Variants in MAPK10 observed in about 807,000 individuals in gnomAD.
MAPK10 encodes the protein mitogen-activated protein kinase 10.
A neutral mutation model predicts 59.3 loss-of-function variants in MAPK10; 25 were observed. The observed-to-expected ratio is 0.42, with a 90% CI of 0.31 to 0.59. MAPK10 has a LOEUF of 0.59. Ranked by LOEUF, MAPK10 falls within the 20% of genes least tolerant of loss-of-function variation. The pLI is 0.15. For synonymous variants in MAPK10, 190 were observed against 200.5 expected (o/e 0.95, Z 0.44); for missense variants, 351 against 568.9 (o/e 0.62, Z 3.90).
intron 1 of MAPK10, among the ~76,000 whole-genome samples, chr4:86,584,292 A>G (rs575788329): frequency 1.6e-4 from 25 of 152,328 alleles, no homozygotes; most frequent in African/African-American, 5.5e-4. Context: ...AGAGGGTATA[A>G]GCAGCAGCAG....
At chr4:86,135,511 GACATCC>G (rs1417433110) in intron 4 of MAPK10, among the ~76,000 whole-genome samples, 1 of 152,064 alleles carries the variant, frequency 6.6e-6, no homozygotes, top group Non-Finnish European at 1.5e-5. Context: ...AAACAGAAAG[GACATCC>G]ACACCAAAAA....
At chr4:86,412,936 G>A (rs757085398) in intron 1 of MAPK10, among the ~76,000 whole-genome samples, 13 of 152,102 alleles carry the variant, frequency 8.5e-5, no homozygotes, top group African/African-American at 2.4e-4. Context: ...GTCAAGTTTC[G>A]TTCCCTTGCT....
intron 9 of MAPK10, among the ~76,000 whole-genome samples, chr4:86,069,704 AT>A (rs2047423279): frequency 6.6e-6 from 1 of 152,106 alleles, no homozygotes; most frequent in South Asian, 2.1e-4. Context: ...CCAAGCTATC[AT>A]TTCATCATTG....
intron 9 of MAPK10, among the ~76,000 whole-genome samples, chr4:86,097,783 A>G (rs1259424261): frequency 6.6e-6 from 1 of 152,110 alleles, no homozygotes; most frequent in Non-Finnish European, 1.5e-5. Flanking sequence ...TTCATTTGAT[A>G]ATTCCAAATC....
At chr4:86,026,041 A>G (rs1750009551) in intron 13 of MAPK10, among the ~76,000 whole-genome samples, 1 of 152,224 alleles carries the variant, frequency 6.6e-6, no homozygotes, top group Non-Finnish European at 1.5e-5. Context: ...TGACCCTAAG[A>G]CATATTCCCA....
At position 86,107,321 on chromosome 4, in the gene MAPK10, C is replaced by T; in HGVS notation, c.268G>A (p.Val90Met). Residue 90 changes from valine to methionine, a missense_variant, in exon 5 of 14, where the codon GTG becomes ATG. By Grantham distance (21) the Val-to-Met change is conservative (BLOSUM62 1). Around this residue, in one of 5 missense-constraint regions of MAPK10, gnomAD observed 51 missense variants for 72.7 expected, o/e 0.70. Coordinates refer to ENST00000641462, the MANE Select transcript of MAPK10 (RefSeq NM_138982.4). ...AAYDAVLDRN[V>M]AIKKLSRPFQ... is the part of the protein sequence containing the mutation. ...GGTCTGCTGAGCTTCTTAATGGCCA[C>T]ATTTCTGTCAAGGACAGCATCATAC... is the stretch of plus-strand genomic sequence containing the variant. 1 of 1,613,240 alleles carries T rather than the reference C, an allele frequency of 6.2e-7. No homozygotes were observed. The highest frequency in any genetic ancestry group is 8.5e-7 in the Non-Finnish European group (1 of 1,179,450).
Position 86,068,221 on chromosome 4 carries a change from A to AT in MAPK10, c.803-267dup, listed in dbSNP as rs558832131. Among the ~76,000 whole-genome samples the AT allele has an allele frequency of 2.0e-3, 308 of 152,338 alleles. 2 individuals are homozygous for AT. Among genetic ancestry groups the AT allele is most frequent in the Non-Finnish European group, 3.4e-3 (233 of 68,022 alleles). On this transcript the variant is annotated intron_variant, in intron 9 of 13. Coordinates refer to ENST00000641462, the MANE Select transcript of MAPK10 (RefSeq NM_138982.4). ...ATGAAATAGTCTTTGGGGTGTACAG[A>AT]TAAAAAGTCATTCAGATAACACAAG...
chr4:86,383,765 T>C (rs1741073814), intron 1 of MAPK10, among the ~76,000 whole-genome samples: 1 of 152,134 alleles, frequency 6.6e-6, no homozygotes, highest in Non-Finnish European at 1.5e-5. Context: ...AGGTAGAAAG[T>C]TTACTTTCTA....
intron 4 of MAPK10, among the ~76,000 whole-genome samples, chr4:86,118,583 C>T (rs1270642329): frequency 9.6e-5 from 1 of 10,384 alleles, no homozygotes; most frequent in Non-Finnish European, 3.0e-4. Flanking sequence ...TACACATACA[C>T]ACACACACAC....
intron 9 of MAPK10, among the ~76,000 whole-genome samples, chr4:86,077,448 G>C (rs568718516): frequency 1.3e-5 from 2 of 152,188 alleles, no homozygotes; most frequent in East Asian, 3.9e-4. Flanking sequence ...TGCGTATTGT[G>C]GGTCAAAATT....
At chr4:86,041,708 CAT>C (rs748139125) in intron 11 of MAPK10, among the ~76,000 whole-genome samples, 61 of 152,238 alleles carry the variant, frequency 4.0e-4, no homozygotes, top group African/African-American at 7.0e-4. Flanking sequence ...GGCCAACAAA[CAT>C]GTGAAAAAAA....
chr4:86,531,599 T>G (rs1757856857), intron 1 of MAPK10, among the ~76,000 whole-genome samples: 1 of 152,128 alleles, frequency 6.6e-6, no homozygotes, highest in Non-Finnish European at 1.5e-5. Context: ...TGAGGTAGAT[T>G]GGAGGGGATT....
intron 2 of MAPK10, among the ~76,000 whole-genome samples, chr4:86,233,960 G>T (rs1487386093): frequency 6.6e-6 from 1 of 152,152 alleles, no homozygotes; most frequent in Non-Finnish European, 1.5e-5. Flanking sequence ...GAGAGGAAAA[G>T]GAAAAGGATT....
chr4:86,288,840 A>G (rs979104452), intron 2 of MAPK10, among the ~76,000 whole-genome samples: 2 of 152,120 alleles, frequency 1.3e-5, no homozygotes, highest in Non-Finnish European at 2.9e-5. Flanking sequence ...ATCTTGAATC[A>G]TTCATTCTAC....
chr4:86,409,804 C>G (rs1172404752), intron 1 of MAPK10, among the ~76,000 whole-genome samples: 1 of 152,044 alleles, frequency 6.6e-6, no homozygotes, highest in Non-Finnish European at 1.5e-5. Flanking sequence ...ATTTTGGGCT[C>G]AGACAATGGG....
intron 11 of MAPK10, among the ~76,000 whole-genome samples, chr4:86,063,234 T>C (rs888853020): frequency 1.3e-5 from 2 of 152,212 alleles, no homozygotes; most frequent in Non-Finnish European, 1.5e-5. Context: ...ATGAGAATTA[T>C]GTGTTTGAAT....
intron 2 of MAPK10, among the ~76,000 whole-genome samples, chr4:86,211,817 G>C (rs2085893368): frequency 6.6e-6 from 1 of 152,022 alleles, no homozygotes; most frequent in Admixed American, 6.6e-5. Context: ...AGGGATTAAG[G>C]ACAAAGCTGG....
intron 1 of MAPK10, among the ~76,000 whole-genome samples, chr4:86,548,278 G>A (rs562969821): frequency 2.2e-4 from 34 of 152,134 alleles, no homozygotes; most frequent in Non-Finnish European, 4.1e-4. Flanking sequence ...TCCTGAGCCA[G>A]CGAGACCGCG....
rs540624619 is a variant in MAPK10, at chr4:86,495,015, T to C, written c.-263+98895A>G. 4.6e-5 allele frequency among the ~76,000 whole-genome samples: 7 copies of C among 152,090 alleles called. No individual in the cohort carries two copies. In the South Asian group the frequency reaches 1.5e-3, roughly 32 times the overall value. On this transcript the variant is annotated intron_variant, in intron 1 of 4. Transcript: ENST00000502302. ...TCCCTAAGAAACCTTGGCCTTTTGGTTTATATTAGAATTAAGGTCCAGAAA... is the reference window on the plus strand; with the variant it reads ...TCCCTAAGAAACCTTGGCCTTTTGGCTTATATTAGAATTAAGGTCCAGAAA...
Sources: allele counts gnomAD v4.1 joint callset (sites outside exome capture counted in the v4.1 genomes callset), GRCh38; gene constraint gnomAD v4.1.1; regional missense constraint gnomAD v4.1.1; transcripts MANE v1.5; gene names NCBI Gene and HGNC (gene_info 2026-07-23, HGNC 2026-07-21).